The following DPYD variants were observed in gnomAD, a reference collection of about 807,000 sequenced individuals.
The protein encoded by DPYD is dihydropyrimidine dehydrogenase [NADP(+)].
In DPYD, 109 loss-of-function variants were observed where a neutral mutation model predicts 116.2. The observed-to-expected ratio is 0.94, with a 90% confidence interval of 0.80 to 1.10. The LOEUF is 1.10. Ranked by LOEUF, DPYD falls within the 50% of genes least tolerant of loss-of-function variation. The pLI is 0.00. For synonymous variants in DPYD, 440 were observed against 432.0 expected, an observed-to-expected ratio of 1.02 and a Z score of -0.23; for missense variants, 1,302 against 1,254.5, an observed-to-expected ratio of 1.04 and a Z score of -0.57.
chr1:97,551,875 T>C (rs1651346604), intron 11 of DPYD, among the ~76,000 whole-genome samples: 2 of 152,172 alleles, frequency 1.3e-5, no homozygotes, highest in African/African-American at 4.8e-5. Context: ...CTTTCCATTA[T>C]TCCCTAAACA....
intron 5 of DPYD, among the ~76,000 whole-genome samples, chr1:97,701,231 T>A (rs868352274): frequency 1.5e-4 from 22 of 148,526 alleles, no homozygotes; most frequent in South Asian, 6.3e-4. Flanking sequence ...TATACCAATA[T>A]TAGAAATATT....
At chr1:97,134,017 ATATATATATATATATATATATAT>A (rs1653583752) in intron 20 of DPYD, among the ~76,000 whole-genome samples, 26 of 16,134 alleles carry the variant, frequency 1.6e-3, no homozygotes, top group African/African-American at 3.3e-3. Flanking sequence ...AAAAAAAAAT[ATATATATATATATATATATATAT>A]ATATATATAT....
In DPYD at chr1:97,237,275, G is replaced by A. The variant is rs1051196091; in HGVS notation, c.2300-2281C>T. Reference sequence around the variant, plus strand: ...AAAAAAAAAAAAAAAAAAAAAAATCGGTGGCTTTCTTTTTATCCTGTTCAT... The same window carrying A: ...AAAAAAAAAAAAAAAAAAAAAAATCAGTGGCTTTCTTTTTATCCTGTTCAT... On this transcript the variant is annotated intron_variant, in intron 18 of 22. Coordinates refer to ENST00000370192, the MANE Select transcript of DPYD (RefSeq NM_000110.4). 3.9e-5 allele frequency among the ~76,000 whole-genome samples: 5 copies of A among 128,854 alleles called. No individual in the cohort carries two copies. The East Asian group carries it at 8.9e-4, about 23-fold the overall frequency. The allele number at this position is 128,854 out of a possible 152,430, so 84.5% of individuals were successfully genotyped here. A position where few individuals can be genotyped will look rare whatever the true frequency, so the allele number is the denominator to read the frequency against.
chr1:97,571,345 A>G lies in DPYD; in HGVS notation c.1339+2415T>C, dbSNP rs138546459. ...CTGACAATAGTCCTGAGAGGTAGAA[A>G]GATAATGTATTACTACGCTTTTTTT... On this transcript the variant is annotated intron_variant, in intron 11 of 22. Transcript: ENST00000370192. Among the ~76,000 whole-genome samples, 16 of 152,154 alleles carry G rather than the reference A, an allele frequency of 1.1e-4. No individual in the cohort carries two copies. In the East Asian group the frequency reaches 3.1e-3, roughly 29 times the overall value.
chr1:97,583,883 T>A (rs1653888139), intron 10 of DPYD, among the ~76,000 whole-genome samples: 1 of 152,184 alleles, frequency 6.6e-6, no homozygotes. Context: ...TACATGTGCA[T>A]GTGTCTTCAT....
intron 19 of DPYD, among the ~76,000 whole-genome samples, chr1:97,205,534 A>T (rs1351944396): frequency 6.6e-6 from 1 of 152,110 alleles, no homozygotes; most frequent in African/African-American, 2.4e-5. Context: ...GTTTTTTTCA[A>T]CTTTAGTAAG....
chr1:97,354,933 T>C (rs71656191), intron 16 of DPYD, among the ~76,000 whole-genome samples: 209 of 152,358 alleles, frequency 1.4e-3, no homozygotes, highest in Non-Finnish European at 2.7e-3. Context: ...TTATTTTTCA[T>C]GTGGAGAATA....
intron 1 of DPYD, among the ~76,000 whole-genome samples, chr1:97,889,156 T>A (rs567414208): frequency 1.2e-4 from 18 of 151,928 alleles, no homozygotes; most frequent in Admixed American, 1.1e-3. Flanking sequence ...AAACTCTGTC[T>A]CAAAATAAAT....
chr1:97,085,053 C>A (rs1649419034), intron 21 of DPYD, among the ~76,000 whole-genome samples: 2 of 152,094 alleles, frequency 1.3e-5, no homozygotes, highest in African/African-American at 4.8e-5. Context: ...TAATCATAGT[C>A]AAAGTATCTG....
chr1:97,499,530 T>C (rs1416294187), intron 13 of DPYD, among the ~76,000 whole-genome samples: 1 of 151,800 alleles, frequency 6.6e-6, no homozygotes, highest in African/African-American at 2.4e-5. Context: ...TAAAAACATA[T>C]ATAGTATATA....
intron 3 of DPYD, among the ~76,000 whole-genome samples, chr1:97,750,686 A>G (rs1664826281): frequency 6.6e-6 from 1 of 152,200 alleles, no homozygotes; most frequent in Non-Finnish European, 1.5e-5. Flanking sequence ...AATTCACTTA[A>G]GAGTTTTCAT....
chr1:97,920,792 G>A, intron 1 of DPYD, 92 bp downstream of exon 1: 1 of 1,507,588 alleles, frequency 6.6e-7, no homozygotes, highest in Non-Finnish European at 9.0e-7. Flanking sequence ...CACTCTCCGG[G>A]GTGCGGGGGC....
chr1:97,426,580 C>T (rs774962055), intron 14 of DPYD, among the ~76,000 whole-genome samples: 22 of 152,006 alleles, frequency 1.4e-4, no homozygotes, highest in Non-Finnish European at 2.8e-4. Context: ...AGGAAGAGTA[C>T]TGGATGCAAC....
At chr1:97,328,364 T>C (rs1046581807) in intron 16 of DPYD, among the ~76,000 whole-genome samples, 12 of 152,174 alleles carry the variant, frequency 7.9e-5, no homozygotes, top group Admixed American at 5.2e-4. Flanking sequence ...ATATAAATCA[T>C]GGCATGCAGC....
chr1:97,685,693 A>G (rs773739595), intron 7 of DPYD, among the ~76,000 whole-genome samples: 6 of 152,152 alleles, frequency 3.9e-5, no homozygotes, highest in Non-Finnish European at 7.4e-5. Context: ...TACACCAACA[A>G]TAAGCAGAGA....
At chr1:97,453,930 GTTTA>G (rs1319668796) in intron 13 of DPYD, among the ~76,000 whole-genome samples, 2 of 151,954 alleles carry the variant, frequency 1.3e-5, no homozygotes, top group Non-Finnish European at 2.9e-5. Flanking sequence ...AATAGAGAAT[GTTTA>G]TTTAAACAGG....
At chr1:97,183,361 T>G (rs1421932624) in intron 20 of DPYD, among the ~76,000 whole-genome samples, 1 of 152,118 alleles carries the variant, frequency 6.6e-6, no homozygotes, top group Non-Finnish European at 1.5e-5. Context: ...TGAAAGGGCT[T>G]TCTTTTCTCC....
chr1:97,614,708 T>C (rs959045732), intron 8 of DPYD, among the ~76,000 whole-genome samples: 4 of 151,968 alleles, frequency 2.6e-5, no homozygotes, highest in Admixed American at 2.6e-4. Flanking sequence ...AATATGTATT[T>C]TAAAATCTTT....
chr1:97,406,109 G>A (rs955871833), intron 14 of DPYD, among the ~76,000 whole-genome samples: 3 of 151,770 alleles, frequency 2.0e-5, no homozygotes, highest in Non-Finnish European at 4.4e-5. Context: ...GTTTTCCTAC[G>A]CTGGTCCTGG....
Sources: allele counts gnomAD v4.1 joint callset (sites outside exome capture counted in the v4.1 genomes callset), GRCh38; gene constraint gnomAD v4.1.1; transcripts MANE v1.5; gene names NCBI Gene and HGNC (gene_info 2026-07-23, HGNC 2026-07-21).